Variants in MYO5A observed in about 807,000 individuals in gnomAD.
The protein encoded by MYO5A is myosin VA, also known as unconventional myosin-Va.
Under a neutral mutation model 249.7 loss-of-function variants are expected in MYO5A, and 98 were observed. The observed-to-expected ratio is 0.39, with a 90% confidence interval of 0.33 to 0.46. The LOEUF is 0.46. Among genes scored for constraint, MYO5A ranks in the 20% least tolerant of loss-of-function variants. MYO5A has a pLI of 0.98. For missense variants in MYO5A, 1,696 were observed against 2,308.8 expected, an observed-to-expected ratio of 0.73 and a Z score of 5.44; for synonymous variants, 778 against 810.6, an observed-to-expected ratio of 0.96 and a Z score of 0.68.
rs2042534856 is a variant in MYO5A, at chr15:52,397,372, G to A, written c.1148C>T (p.Ala383Val). 2 of 1,613,946 alleles carry A rather than the reference G, an allele frequency of 1.2e-6. No individual in the cohort carries two copies. The highest frequency in any genetic ancestry group is 2.7e-5 in the African/African-American group (2 of 74,896). The change falls in exon 10 of 42, where the codon GCC (alanine) becomes GTC (valine). Residue 383 changes from alanine to valine, a missense_variant. Around this residue, in one of 5 missense-constraint regions of MYO5A, gnomAD observed 185 missense variants for 204.8 expected, o/e 0.90. Coordinates refer to ENST00000399233, the MANE Select transcript of MYO5A (RefSeq NM_001382347.1). ...HWLCHRKLAT[A>V]TETYIKPISK... is the part of the protein sequence containing the mutation. ...GATGGGCTTGATGTATGTCTCTGTG[G>A]CAGTAGCCAGTTTCCGATGGCAGAG...
In MYO5A at chr15:52,340,413, G is replaced by T; in HGVS notation, c.4041-19C>A. On this transcript the variant is annotated intron_variant, in intron 31 of 41. Coordinates refer to ENST00000399233, the MANE Select transcript of MYO5A (RefSeq NM_001382347.1). ...CAGGAGCCTGCGGAGAGGACACATGGGTCGGAAGGGGAGACGACACCCCGA... is the reference window on the plus strand; with the variant it reads ...CAGGAGCCTGCGGAGAGGACACATGTGTCGGAAGGGGAGACGACACCCCGA... 1 of 1,608,282 alleles carries T rather than the reference G, an allele frequency of 6.2e-7. No homozygotes were observed. The highest frequency in any genetic ancestry group is 8.5e-7 in the Non-Finnish European group (1 of 1,179,470).
At chr15:52,448,775 CTT>C (rs1466653298) in intron 1 of MYO5A, among the ~76,000 whole-genome samples, 2 of 152,034 alleles carry the variant, frequency 1.3e-5, no homozygotes, top group African/African-American at 4.8e-5. Context: ...CCCACCCTCT[CTT>C]GTCCTCATGC....
chr15:52,405,360 C>A lies in MYO5A; in HGVS notation c.980G>T (p.Arg327Leu). Residue 327 changes from arginine to leucine, a missense_variant, in exon 9 of 42, where the codon CGA becomes CTA. Arg to Leu is a moderately radical substitution (Grantham distance 102). Around this residue, in one of 5 missense-constraint regions of MYO5A, gnomAD observed 185 missense variants for 204.8 expected, o/e 0.90. Transcript: ENST00000399233. ...ISESHQMGIFRILAGILHLGN... is the reference protein window; with the variant it reads ...ISESHQMGIFLILAGILHLGN... ...TAAGTGAAGGATGCCAGCAAGTATT[C>A]GGAAAATTCCCATTTGATGAGATTC... 1 of 1,613,462 alleles carries A rather than the reference C, an allele frequency of 6.2e-7. No homozygotes were observed.
At chr15:52,484,385 G>A (rs1020371430) in intron 1 of MYO5A, among the ~76,000 whole-genome samples, 2 of 152,140 alleles carry the variant, frequency 1.3e-5, no homozygotes, top group Non-Finnish European at 2.9e-5. Context: ...AGCCAGGGAG[G>A]ATAGAGTAGA....
chr15:52,474,750 T>C (rs564595323), intron 1 of MYO5A, among the ~76,000 whole-genome samples: 1 of 152,344 alleles, frequency 6.6e-6, no homozygotes, highest in East Asian at 1.9e-4. Flanking sequence ...CGCTTGATCA[T>C]GGTGGATAAG....
intron 1 of MYO5A, among the ~76,000 whole-genome samples, chr15:52,486,568 C>T (rs1005466203): frequency 1.3e-5 from 2 of 152,100 alleles, no homozygotes; most frequent in Non-Finnish European, 2.9e-5. Context: ...TTCTAGAAAT[C>T]AGACTTTTCC....
rs148135622 is a variant in MYO5A at position 52,472,348 on chromosome 15, G to A, written c.28-39063C>T. On this transcript the variant is annotated intron_variant, in intron 1 of 41. Transcript: ENST00000399233. ...CCCACCTCGGTCTCCTAAAGTGCTG[G>A]GATTACAGGCTTGAGCCATCGCGAC... Among the ~76,000 whole-genome samples the A allele has an allele frequency of 7.4e-3, 1,121 of 152,186 alleles. 4 individuals carry two copies. The highest frequency in any genetic ancestry group is 0.01 in the Middle Eastern group (3 of 294).
intron 1 of MYO5A, among the ~76,000 whole-genome samples, chr15:52,496,484 C>T (rs1361906036): frequency 6.6e-6 from 1 of 152,044 alleles, no homozygotes; most frequent in Admixed American, 6.6e-5. Flanking sequence ...AAGAGGAAGT[C>T]GAGTTATAAA....
At chr15:52,375,536 A>C in intron 19 of MYO5A, 76 bp from the exon 20 acceptor site, 1 of 1,510,556 alleles carries the variant, frequency 6.6e-7, no homozygotes. Flanking sequence ...AAACTTAAAG[A>C]GTGTCACTGT....
intron 30 of MYO5A, among the ~76,000 whole-genome samples, chr15:52,345,449 G>C (rs751503093): frequency 5.3e-5 from 8 of 151,994 alleles, no homozygotes; most frequent in Non-Finnish European, 1.0e-4. Context: ...GTCGGGTGTG[G>C]TGGTGGGCAC....
intron 1 of MYO5A, among the ~76,000 whole-genome samples, chr15:52,527,604 G>T (rs1419180674): frequency 5.3e-5 from 8 of 152,196 alleles, no homozygotes; most frequent in African/African-American, 1.9e-4. Flanking sequence ...AGCTTGTAAG[G>T]GATGCAAGGC....
intron 24 of MYO5A, among the ~76,000 whole-genome samples, chr15:52,360,586 A>G (rs1487522463): frequency 6.6e-6 from 1 of 152,220 alleles, no homozygotes; most frequent in Non-Finnish European, 1.5e-5. Flanking sequence ...TCACTTTAAT[A>G]CGTGAAGTTA....
At chr15:52,351,504 G>C (rs1400944593) in intron 27 of MYO5A, 23 bp from the exon 28 acceptor site, 2 of 1,597,358 alleles carry the variant, frequency 1.3e-6, no homozygotes, top group Non-Finnish European at 1.7e-6. Flanking sequence ...ACAAAGAAAA[G>C]TTCATTGCTG....
At chr15:52,365,934 A>G (rs1163117948) in intron 23 of MYO5A, among the ~76,000 whole-genome samples, 1 of 152,138 alleles carries the variant, frequency 6.6e-6, no homozygotes, top group African/African-American at 2.4e-5. Context: ...CCTTCTTTCC[A>G]GGGCTCTGTT....
intron 16 of MYO5A, among the ~76,000 whole-genome samples, chr15:52,381,742 G>A (rs1186340559): frequency 6.7e-6 from 1 of 149,994 alleles, no homozygotes; most frequent in Non-Finnish European, 1.5e-5. Context: ...AGCAATCATA[G>A]CACAAGGCCC....
chr15:52,491,744 A>C (rs2076940030), intron 1 of MYO5A, among the ~76,000 whole-genome samples: 1 of 152,222 alleles, frequency 6.6e-6, no homozygotes, highest in African/African-American at 2.4e-5. Flanking sequence ...GGATATATGA[A>C]GGCATTGGGC....
intron 15 of MYO5A, 90 bp from the exon 16 acceptor site, chr15:52,383,278 T>A (rs992705313): frequency 2.7e-6 from 3 of 1,091,192 alleles, no homozygotes; most frequent in Admixed American, 1.7e-5. Flanking sequence ...CCTATGACAC[T>A]AATGGAGAAA....
At chr15:52,452,716 T>C (rs776424524) in intron 1 of MYO5A, among the ~76,000 whole-genome samples, 1 of 151,834 alleles carries the variant, frequency 6.6e-6, no homozygotes, top group African/African-American at 2.4e-5. Context: ...GGTATGGTGG[T>C]GCACTCCTGT....
chr15:52,462,193 G>A (rs182541609), intron 1 of MYO5A, among the ~76,000 whole-genome samples: 15 of 151,146 alleles, frequency 9.9e-5, no homozygotes, highest in Non-Finnish European at 2.1e-4. Context: ...GTGAACCCAG[G>A]AGGCAGAGCT....
Sources: gnomAD v4.1 joint callset for allele counts (sites outside exome capture counted in the v4.1 genomes callset) on GRCh38, gnomAD v4.1.1 for gene constraint, gnomAD v4.1.1 regional missense constraint, MANE v1.5 for transcripts, NCBI Gene and HGNC (gene_info 2026-07-23, HGNC 2026-07-21) for gene names.